MMP27: variants seen among roughly 807,000 people sequenced by gnomAD.
MMP27 encodes the protein matrix metalloproteinase-27.
In MMP27, 51 loss-of-function variants were observed where a neutral mutation model predicts 48.1. That is an observed-to-expected ratio of 1.06 (90% CI 0.85 to 1.34). The LOEUF is 1.34. Among genes scored for constraint, MMP27 ranks in the 40% most tolerant of loss-of-function variants. The pLI, the probability that MMP27 is intolerant of heterozygous loss-of-function variation, is 0.00. For synonymous variants in MMP27, 229 were observed against 208.9 expected, an observed-to-expected ratio of 1.10 and a Z score of -0.83; for missense variants, 698 against 619.3, an observed-to-expected ratio of 1.13 and a Z score of -1.35.
chr11:102,704,563 C>T lies in MMP27; in HGVS notation c.315G>A (p.Gly105=), dbSNP rs771390037. 24 of 1,613,828 alleles carry T rather than the reference C, an allele frequency of 1.5e-5. No homozygotes were observed. In the Admixed American group the frequency reaches 3.7e-4, roughly 25 times the overall value. Residue 105 remains glycine (G), a synonymous_variant, in exon 2 of 10, where the codon GGG becomes GGA. Coordinates refer to ENST00000260229, the MANE Select transcript of MMP27 (RefSeq NM_022122.3). ...TGTAGGTGAGGTTGTATTTTCTCCA[C>T]CCAGGGAGGGTGTAGCCATACTGGC... is the stretch of plus-strand genomic sequence containing the variant. ...DVGQYGYTLP[G]WRKYNLTYRI... is the part of the protein sequence containing the mutation.
At position 102,703,057 on chromosome 11, in the gene MMP27, A is replaced by G. The variant is rs777030606; in HGVS notation, c.403T>C (p.Leu135=). The G allele has an allele frequency of 3.1e-6, 5 of 1,613,974 alleles. No homozygotes were observed. The highest frequency in any genetic ancestry group is 1.1e-5 in the South Asian group (1 of 91,086). ...GGAGTGACTTTGCTCCACACTTCTA[A>G]ACCTTCTTGGATAGCCTCATCCACA... ...AAVDEAIQEG[L]EVWSKVTPLK... The change falls in exon 3 of 10, where the codon TTA becomes CTA. Residue 135 remains leucine, a synonymous_variant. Coordinates refer to ENST00000260229, the MANE Select transcript of MMP27 (RefSeq NM_022122.3).
At position 102,696,443 on chromosome 11, in the gene MMP27, T is replaced by G. The variant is rs1860828527; in HGVS notation, c.830A>C (p.His277Pro). The change falls in exon 6 of 10, where the codon CAT becomes CCT. Residue 277 changes from histidine to proline, a missense_variant. His to Pro is a moderately conservative substitution (Grantham distance 77). Coordinates refer to ENST00000260229, the MANE Select transcript of MMP27 (RefSeq NM_022122.3). ...PAKPKEPTIP[H>P]ACDPDLTFDA... ...AAAAGTCAAGTCAGGGTCACAGGCA[T>G]GGGGTATAGTGGGTTCCTTTGGCTT... The G allele has an allele frequency of 1.9e-6, 3 of 1,613,724 alleles. No individual in the cohort carries two copies. Among genetic ancestry groups the G allele is most frequent in the Non-Finnish European group, 2.5e-6 (3 of 1,179,782 alleles).
chr11:102,693,464 A>T (rs904963332), intron 8 of MMP27, among the ~76,000 whole-genome samples: 5 of 152,110 alleles, frequency 3.3e-5, no homozygotes, highest in African/African-American at 1.2e-4. Flanking sequence ...GATAAATGTC[A>T]TCCACTGCCT....
intron 2 of MMP27, among the ~76,000 whole-genome samples, 178 bp downstream of exon 2, chr11:102,704,359 A>G (rs11225386): frequency 0.12 from 17,662 of 152,264 alleles, 1,279 homozygotes; most frequent in East Asian, 0.22. Context: ...TGTATTTAAG[A>G]TGGTGGTAGC....
intron 4 of MMP27, among the ~76,000 whole-genome samples, chr11:102,699,425 A>T (rs1018936192): frequency 6.6e-6 from 1 of 152,070 alleles, no homozygotes; most frequent in Non-Finnish European, 1.5e-5. Context: ...CCGAGATCGC[A>T]CCACTGCACT....
intron 4 of MMP27, among the ~76,000 whole-genome samples, chr11:102,701,538 TAATACCAAAGA>T (rs1051332616): frequency 2.0e-5 from 3 of 152,228 alleles, no homozygotes; most frequent in Non-Finnish European, 4.4e-5. Flanking sequence ...GTCTTCAGAC[TAATACCAAAGA>T]AATATTGAAA....
chr11:102,692,692 T>C (rs555850571), intron 9 of MMP27, among the ~76,000 whole-genome samples: 1 of 152,294 alleles, frequency 6.6e-6, no homozygotes, highest in Non-Finnish European at 1.5e-5. Context: ...GTGTCTTTAC[T>C]TATCAATGAT....
At chr11:102,702,516 C>T (rs947809847) in intron 4 of MMP27, among the ~76,000 whole-genome samples, 3 of 152,158 alleles carry the variant, frequency 2.0e-5, no homozygotes, top group Admixed American at 2.0e-4. Context: ...CACAGTGGCC[C>T]CTCAGACATT....
At chr11:102,696,986 T>C in intron 4 of MMP27, 151 bp from the exon 5 acceptor site, 4 of 772,422 alleles carry the variant, frequency 5.2e-6, no homozygotes, top group Non-Finnish European at 8.1e-6. Flanking sequence ...TGGGAGGTAT[T>C]GCAATGCTAA....
At chr11:102,704,841 G>A (rs1861017052) in intron 1 of MMP27, 66 bp from the exon 2 acceptor site, 14 of 1,088,634 alleles carry the variant, frequency 1.3e-5, no homozygotes, top group Middle Eastern at 3.0e-4. Context: ...CTCCATCTCA[G>A]GATAAAGCAA....
Position 102,695,566 on chromosome 11 carries a change from T to C in MMP27, c.903-469A>G, listed in dbSNP as rs906935558. On this transcript the variant is annotated intron_variant, in intron 6 of 9. Coordinates refer to ENST00000260229, the MANE Select transcript of MMP27 (RefSeq NM_022122.3). ...AGACGTGAAAAGTCCTTATATTCCATTTCCCTCCACATACAGGCCACTCCT... is the reference window on the plus strand; with the variant it reads ...AGACGTGAAAAGTCCTTATATTCCACTTCCCTCCACATACAGGCCACTCCT... 3.3e-5 allele frequency among the ~76,000 whole-genome samples: 5 copies of C among 152,178 alleles called. No individual in the cohort carries two copies. In the East Asian group the frequency reaches 9.6e-4, roughly 29 times the overall value.
At position 102,691,860 on chromosome 11, in the gene MMP27, T is replaced by A. The variant is rs1565424264; in HGVS notation, c.1448A>T (p.His483Leu). 6.2e-7 allele frequency: 1 copy of A among 1,613,438 alleles called. No individual in the cohort carries two copies. Among genetic ancestry groups the A allele is most frequent in the Non-Finnish European group, 8.5e-7 (1 of 1,179,720 alleles). Reference sequence around the variant, plus strand: ...ATACAATATCTTTATGCCTCCTGAATGTGCTTTTTCCTTGTTGATATCAAA... The same window carrying A: ...ATACAATATCTTTATGCCTCCTGAAAGTGCTTTTTCCTTGTTGATATCAAA... Reference protein sequence around the residue: ...FGFDINKEKAHSGGIKILYHK... With the variant: ...FGFDINKEKALSGGIKILYHK... Residue 483 changes from histidine (H) to leucine (L), a missense_variant, in exon 10 of 10, where the codon CAT becomes CTT. His to Leu is a moderately conservative substitution (Grantham distance 99, BLOSUM62 -3). Coordinates refer to ENST00000260229, the MANE Select transcript of MMP27 (RefSeq NM_022122.3).
intron 9 of MMP27, 117 bp from the exon 10 acceptor site, chr11:102,692,127 T>A: frequency 1.1e-6 from 1 of 942,924 alleles, no homozygotes; most frequent in Non-Finnish European, 1.5e-6. Context: ...ATTTGTGGAA[T>A]CACATACATA....
intron 4 of MMP27, among the ~76,000 whole-genome samples, chr11:102,699,448 A>G (rs957786046): frequency 3.3e-5 from 5 of 152,292 alleles, no homozygotes; most frequent in African/African-American, 9.6e-5. Context: ...AGCCTGGGTG[A>G]CAGAGTGAGA....
In MMP27 at chr11:102,691,979, T is replaced by G. The variant is rs761387802; in HGVS notation, c.1329A>C (p.Gln443His). ...TCTTTGTCTTAATGTCGTATTCAAA[T>G]TGCTTTGATCCACGGCTGAAAAAGA... ...GFFFFSRGSK[Q>H]FEYDIKTKNI... The change falls in exon 10 of 10, where the codon CAA (glutamine) becomes CAC (histidine). Residue 443 changes from glutamine to histidine, a missense_variant. Gln to His is a conservative substitution (Grantham distance 24, BLOSUM62 0). Coordinates refer to ENST00000260229, the MANE Select transcript of MMP27 (RefSeq NM_022122.3). The G allele has an allele frequency of 6.2e-6, 10 of 1,609,894 alleles. No homozygotes were observed. In the Admixed American group the frequency reaches 1.3e-4, roughly 22 times the overall value.
At chr11:102,698,928 A>C (rs1860884984) in intron 4 of MMP27, among the ~76,000 whole-genome samples, 1 of 152,176 alleles carries the variant, frequency 6.6e-6, no homozygotes, top group African/African-American at 2.4e-5. Flanking sequence ...GCCCGTAAGG[A>C]CTGCATTGTT....
intron 7 of MMP27, among the ~76,000 whole-genome samples, chr11:102,694,729 G>T (rs1034327873): frequency 6.6e-6 from 1 of 152,032 alleles, no homozygotes; most frequent in Non-Finnish European, 1.5e-5. Context: ...CAGAAAAAGA[G>T]ACTTTTTTAG....
intron 4 of MMP27, among the ~76,000 whole-genome samples, chr11:102,701,260 A>AAGCG (rs1176562517): frequency 6.6e-6 from 1 of 151,898 alleles, no homozygotes; most frequent in Non-Finnish European, 1.5e-5. Flanking sequence ...TGCCTTGCTC[A>AAGCG]AGCGAGCCTT....
At chr11:102,698,680 G>A (rs1364888400) in intron 4 of MMP27, among the ~76,000 whole-genome samples, 2 of 151,978 alleles carry the variant, frequency 1.3e-5, no homozygotes, top group Non-Finnish European at 2.9e-5. Context: ...ATGTTAAATC[G>A]CTGGCATTTT....
Sources: gnomAD v4.1 joint callset for allele counts (sites outside exome capture counted in the v4.1 genomes callset) on GRCh38, gnomAD v4.1.1 for gene constraint, MANE v1.5 for transcripts, NCBI Gene and HGNC (gene_info 2026-07-23, HGNC 2026-07-21) for gene names.